The following PHACTR3 variants were observed in gnomAD, a reference collection of about 807,000 sequenced individuals.
PHACTR3 encodes the protein phosphatase and actin regulator 3.
A neutral mutation model predicts 66.8 loss-of-function variants in PHACTR3; 16 were observed. The observed-to-expected ratio is 0.24, with a 90% CI of 0.16 to 0.36. The LOEUF is 0.36. Ranked by LOEUF, PHACTR3 falls within the 10% of genes least tolerant of loss-of-function variation. The probability of loss-of-function intolerance (pLI) is 1.00; values close to 1 mark genes in which losing one functional copy is unlikely to be tolerated. For synonymous variants in PHACTR3, 323 were observed against 292.1 expected, an observed-to-expected ratio of 1.11 and a Z score of -1.08; for missense variants, 647 against 719.9, an observed-to-expected ratio of 0.90 and a Z score of 1.16.
chr20:59,729,311 C>G (rs1325915939), intron 1 of PHACTR3, among the ~76,000 whole-genome samples: 2 of 152,068 alleles, frequency 1.3e-5, no homozygotes, highest in Admixed American at 1.3e-4. Flanking sequence ...GTCCCCGCTC[C>G]CAGGCCTCAG....
intron 11 of PHACTR3, among the ~76,000 whole-genome samples, chr20:59,842,637 G>A (rs2059083962): frequency 6.6e-6 from 1 of 152,158 alleles, no homozygotes; most frequent in African/African-American, 2.4e-5. Context: ...GCCTGGGGAA[G>A]CCAAAATATT....
chr20:59,618,343 G>A (rs1331456657), intron 1 of PHACTR3, among the ~76,000 whole-genome samples: 2 of 152,136 alleles, frequency 1.3e-5, no homozygotes. Context: ...GTGTGCGTGA[G>A]TGTGTGTGAC....
intron 8 of PHACTR3, among the ~76,000 whole-genome samples, chr20:59,831,149 G>GA (rs1457381087): frequency 1.3e-5 from 2 of 152,204 alleles, no homozygotes; most frequent in Non-Finnish European, 2.9e-5. Context: ...TGCCTGTGGG[G>GA]TCACCTGTTT....
In PHACTR3 at chr20:59,612,399, C is replaced by T. The variant is rs1407739027; in HGVS notation, c.118+7267C>T. 4.0e-5 allele frequency among the ~76,000 whole-genome samples: 6 copies of T among 151,140 alleles called. No individual in the cohort carries two copies. The South Asian group carries it at 6.3e-4, about 16-fold the overall frequency. On this transcript the variant is annotated intron_variant, in intron 1 of 12. Coordinates refer to ENST00000371015, the MANE Select transcript of PHACTR3 (RefSeq NM_080672.5). ...TTTCCAGGACAGTGTCTCACTCTGT[C>T]GCCCAGGCTGGAGTGCAGTGACGCC... is the stretch of plus-strand genomic sequence containing the variant.
chr20:59,842,488 C>T (rs1285214798), intron 11 of PHACTR3, among the ~76,000 whole-genome samples: 1 of 152,084 alleles, frequency 6.6e-6, no homozygotes, highest in African/African-American at 2.4e-5. Context: ...TGGTGGTCTG[C>T]AGATGTGTTT....
At chr20:59,745,843 G>A (rs111429765) in intron 2 of PHACTR3, among the ~76,000 whole-genome samples, 31 of 152,316 alleles carry the variant, frequency 2.0e-4, no homozygotes, top group African/African-American at 6.5e-4. Flanking sequence ...CCCCATCCCC[G>A]AGAGGGGGAG....
intron 8 of PHACTR3, among the ~76,000 whole-genome samples, chr20:59,824,608 C>T (rs1642929469): frequency 6.6e-6 from 1 of 152,182 alleles, no homozygotes; most frequent in African/African-American, 2.4e-5. Context: ...CTGTGCTTGG[C>T]TATAATGAAC....
chr20:59,734,112 C>T (rs947715833), intron 1 of PHACTR3, among the ~76,000 whole-genome samples: 7 of 152,126 alleles, frequency 4.6e-5, no homozygotes, highest in Non-Finnish European at 7.4e-5. Flanking sequence ...GGTCCCCACA[C>T]GCCTTCCTAA....
At chr20:59,843,314 CCAATGT>C (rs1406220093) in intron 11 of PHACTR3, 5 of 152,050 alleles carry the variant, frequency 3.3e-5, no homozygotes, top group African/African-American at 1.2e-4. Context: ...TATCAAAATA[CCAATGT>C]CATTTTTCAC....
At chr20:59,642,766 G>A (rs535526374) in intron 1 of PHACTR3, among the ~76,000 whole-genome samples, 13 of 152,236 alleles carry the variant, frequency 8.5e-5, no homozygotes, top group South Asian at 2.1e-4. Context: ...GCTGGAACCC[G>A]GGGCAGAAGG....
At chr20:59,676,857 T>G in intron 1 of PHACTR3, 1 of 408,958 alleles carries the variant, frequency 2.4e-6, no homozygotes, top group Non-Finnish European at 3.3e-6. Context: ...TTGCAAATTC[T>G]AGCAGCAGCA....
At chr20:59,715,977 A>C (rs1027039549) in intron 1 of PHACTR3, among the ~76,000 whole-genome samples, 1 of 152,118 alleles carries the variant, frequency 6.6e-6, no homozygotes, top group African/African-American at 2.4e-5. Context: ...GCCTTCTAGG[A>C]GTTCACATTC....
At chr20:59,679,671 T>A (rs1274440425) in intron 1 of PHACTR3, among the ~76,000 whole-genome samples, 1 of 152,140 alleles carries the variant, frequency 6.6e-6, no homozygotes, top group Non-Finnish European at 1.5e-5. Flanking sequence ...CTTAATGGAC[T>A]CACATTAAGC....
chr20:59,657,802 A>G (rs927181631), intron 1 of PHACTR3, among the ~76,000 whole-genome samples: 6 of 152,056 alleles, frequency 3.9e-5, no homozygotes, highest in Admixed American at 3.3e-4. Flanking sequence ...CATTTATACT[A>G]TTTAGAATTT....
intron 7 of PHACTR3, among the ~76,000 whole-genome samples, chr20:59,802,741 C>T (rs930038091): frequency 4.6e-5 from 7 of 152,238 alleles, no homozygotes; most frequent in African/African-American, 1.2e-4. Context: ...CTCCTAAGCC[C>T]TGTCAGTTGT....
At chr20:59,812,760 A>G (rs891066955) in intron 8 of PHACTR3, among the ~76,000 whole-genome samples, 6 of 152,196 alleles carry the variant, frequency 3.9e-5, no homozygotes, top group African/African-American at 1.2e-4. Context: ...TCAGCTTCCA[A>G]TGCCAGCCTT....
At chr20:59,612,621 T>C (rs2033889079) in intron 1 of PHACTR3, among the ~76,000 whole-genome samples, 1 of 152,184 alleles carries the variant, frequency 6.6e-6, no homozygotes, top group Non-Finnish European at 1.5e-5. Flanking sequence ...CTTGACCTTG[T>C]GATCCGCCCA....
chr20:59,761,211 G>A (rs1487118589), intron 4 of PHACTR3, among the ~76,000 whole-genome samples: 2 of 152,114 alleles, frequency 1.3e-5, no homozygotes, highest in African/African-American at 2.4e-5. Flanking sequence ...GAGCCAGGGA[G>A]GGAGGGGTGC....
Position 59,648,272 on chromosome 20 carries a change from C to T in PHACTR3, c.118+43140C>T, listed in dbSNP as rs144692930. On this transcript the variant is annotated intron_variant, in intron 1 of 12. Transcript: ENST00000371015. ...CCACATTTCCTTCTCCTCTGTTCCC[C>T]CAGGCTCCAGCCATTTTGAGGAAGG... Among the ~76,000 whole-genome samples the T allele has an allele frequency of 7.2e-5, 11 of 152,254 alleles. No homozygotes were observed. In the East Asian group the frequency reaches 1.9e-3, roughly 27 times the overall value.
Sources: allele counts gnomAD v4.1 joint callset (sites outside exome capture counted in the v4.1 genomes callset), GRCh38; gene constraint gnomAD v4.1.1; transcripts MANE v1.5; gene names NCBI Gene and HGNC (gene_info 2026-07-23, HGNC 2026-07-21).